The following ZNF469 variants were observed in gnomAD, a reference collection of about 807,000 sequenced individuals.
ZNF469 encodes the protein zinc finger protein 469.
Under a neutral mutation model 1.0 loss-of-function variants are expected in ZNF469, and 1 was observed. That is an observed-to-expected ratio of 1.00 (90% CI 0.35 to 4.73). ZNF469 has a LOEUF of 4.73. Among genes scored for constraint, ZNF469 ranks in the 30% most tolerant of loss-of-function variants. The pLI is 0.16. For synonymous variants in ZNF469, 2,703 were observed against 2,363.4 expected, an observed-to-expected ratio of 1.14 and a Z score of -4.17; for missense variants, 6,100 against 5,356.3, an observed-to-expected ratio of 1.14 and a Z score of -4.33.
At chr16:88,395,321 T>C (rs867719833) in intron 1 of ZNF469, among the ~76,000 whole-genome samples, 6 of 145,958 alleles carry the variant, frequency 4.1e-5, no homozygotes, top group Non-Finnish European at 7.5e-5. Flanking sequence ...GGTGGGTGGA[T>C]GGATTGATGG....
At chr16:88,360,699 C>G in the ZNF469 span, among the ~76,000 whole-genome samples, 1 of 141,670 alleles carries the variant, frequency 7.1e-6, no homozygotes, top group Non-Finnish European at 1.5e-5. Flanking sequence ...CGCGTGCTCC[C>G]TCAATGGCAG....
chr16:88,103,712 T>A, the ZNF469 span, among the ~76,000 whole-genome samples: 2 of 150,886 alleles, frequency 1.3e-5, no homozygotes, highest in Non-Finnish European at 3.0e-5. Context: ...AGCGCTGGAA[T>A]AATCCTCCAT....
chr16:88,439,258 G>A lies in ZNF469; in HGVS notation c.11788G>A (p.Asp3930Asn), dbSNP rs1377374641. The part of the protein sequence containing the change: ...HTHRTAEAQS[D>N]LLSQLFGQRL... ...CCACCGGACGGCCGAGGCCCAGAGT[G>A]ACCTCCTCAGCCAGCTCTTCGGGCA... is the stretch of plus-strand genomic sequence containing the variant. The change falls in exon 3 of 3, where the codon GAC becomes AAC. Residue 3930 changes from aspartate to asparagine, a missense_variant. Asp to Asn is a conservative substitution (Grantham distance 23, BLOSUM62 1). Transcript: ENST00000565624. 3 of 1,550,410 alleles carry A rather than the reference G, an allele frequency of 1.9e-6. No individual in the cohort carries two copies. The East Asian group carries it at 7.3e-5, about 38-fold the overall frequency.
chr16:88,396,971 C>CGGG lies in ZNF469; in HGVS notation c.-192+13717_-192+13718insGGG, dbSNP rs1285298741. ...GGAGGAGACCCTCATGAAGGGAGGC[C>CGGG]AGGAGGAGACCCTCCTGAAGGGAGG... On this transcript the variant is annotated intron_variant, in intron 1 of 2. Coordinates refer to ENST00000565624, the MANE Select transcript of ZNF469 (RefSeq NM_001367624.2). Among the ~76,000 whole-genome samples the CGGG allele has an allele frequency of 2.1e-3, 319 of 149,484 alleles. 5 individuals carry two copies. The highest frequency in any genetic ancestry group is 3.6e-3 in the Non-Finnish European group (244 of 67,038).
rs1906020303 is a variant in ZNF469, at chr16:88,429,990, G to C, written c.2520G>C (p.Leu840=). The C allele has an allele frequency of 9.7e-6, 15 of 1,550,252 alleles. No individual in the cohort carries two copies. Among genetic ancestry groups the C allele is most frequent in the Non-Finnish European group, 1.2e-5 (14 of 1,146,984 alleles). ...TGGACATGGAGGATGACGCCAAGCT[G>C]GACAGCCTCATCACAGAGGCGCTCA... The part of the protein sequence containing the change: ...SDLDMEDDAK[L]DSLITEALNG... The change falls in exon 3 of 3, where the codon CTG becomes CTC. Residue 840 remains leucine (L), a synonymous_variant. Coordinates refer to ENST00000565624, the MANE Select transcript of ZNF469 (RefSeq NM_001367624.2).
At chr16:88,177,591 G>A in the ZNF469 span, 1 of 152,254 alleles carries the variant, frequency 6.6e-6, no homozygotes, top group Non-Finnish European at 1.5e-5. The surrounding 1 kb of genome is among the most constrained non-coding windows in gnomAD (Gnocchi z 4.8). Context: ...AGCAGACCCT[G>A]CCTGTGGCTC....
chr16:88,415,370 C>G (rs907719414), intron 1 of ZNF469, among the ~76,000 whole-genome samples: 1 of 152,236 alleles, frequency 6.6e-6, no homozygotes, highest in African/African-American at 2.4e-5. Context: ...GCCCTTCCCC[C>G]AAGCCCCTCC....
rs943114751 is a variant in ZNF469, at chr16:88,432,759, C to T, written c.5289C>T (p.Asp1763=). 54 of 1,550,306 alleles carry T rather than the reference C, an allele frequency of 3.5e-5. No individual in the cohort carries two copies. Among genetic ancestry groups the T allele is most frequent in the Non-Finnish European group, 4.4e-5 (50 of 1,147,006 alleles). The stretch of plus-strand genomic sequence containing the variant: ...CCGCCAGCTCACAAGAAAGTGAAGA[C>T]TCCCTGCGGCTGCTTCCCTGTGAAC... ...KEAASSQESE[D]SLRLLPCEQR... is the part of the protein sequence containing the mutation. Residue 1763 remains aspartate (D), a synonymous_variant, in exon 3 of 3, where the codon GAC becomes GAT. Transcript: ENST00000565624.
chr16:88,199,893 G>A, the ZNF469 span, among the ~76,000 whole-genome samples: 6 of 152,336 alleles, frequency 3.9e-5, no homozygotes, highest in East Asian at 1.2e-3. Flanking sequence ...TGTCTTGGTG[G>A]AGACTCCAAA....
In ZNF469 at chr16:88,427,583, A is replaced by G; in HGVS notation, c.113A>G (p.Asn38Ser). 1 of 1,537,010 alleles carries G rather than the reference A, an allele frequency of 6.5e-7. No homozygotes were observed. The highest frequency in any genetic ancestry group is 8.7e-7 in the Non-Finnish European group (1 of 1,146,428). ...GHPSQPPLEDNTPATRTTKGA... is the reference protein window; with the variant it reads ...GHPSQPPLEDSTPATRTTKGA... ...CCCTCCCAGCCGCCACTGGAGGACA[A>G]CACCCCAGCTACCAGGACCACCAAG... The change falls in exon 3 of 3, where the codon AAC (asparagine) becomes AGC (serine). Residue 38 changes from asparagine to serine, a missense_variant. By Grantham distance (46) the Asn-to-Ser change is conservative (BLOSUM62 1). Coordinates refer to ENST00000565624, the MANE Select transcript of ZNF469 (RefSeq NM_001367624.2).
the ZNF469 span, among the ~76,000 whole-genome samples, chr16:88,111,039 G>A: frequency 2.0e-5 from 3 of 152,232 alleles, no homozygotes; most frequent in East Asian, 1.9e-4. Flanking sequence ...AGTCAGTGTC[G>A]AAGGCCCCTT....
At chr16:88,188,452 G>A in the ZNF469 span, among the ~76,000 whole-genome samples, 1 of 152,236 alleles carries the variant, frequency 6.6e-6, no homozygotes, top group Admixed American at 6.5e-5. Context: ...GACGGCATGG[G>A]CTGCTTAATG....
chr16:88,159,529 A>G, the ZNF469 span, among the ~76,000 whole-genome samples: 3 of 152,038 alleles, frequency 2.0e-5, no homozygotes, highest in Non-Finnish European at 2.9e-5. Context: ...ATGAGCGCAG[A>G]GTGTGGAGCG....
the ZNF469 span, among the ~76,000 whole-genome samples, chr16:88,329,373 G>A: frequency 3.9e-5 from 6 of 152,378 alleles, no homozygotes; most frequent in Admixed American, 1.3e-4. Flanking sequence ...TGTGTGAGAC[G>A]TGATTTAATT....
chr16:88,293,407 G>A, the ZNF469 span, among the ~76,000 whole-genome samples: 2 of 152,072 alleles, frequency 1.3e-5, no homozygotes, highest in East Asian at 1.9e-4. Context: ...ATAATTGACT[G>A]GGTGGATGGA....
chr16:88,166,062 G>A, the ZNF469 span, among the ~76,000 whole-genome samples: 2 of 152,266 alleles, frequency 1.3e-5, no homozygotes, highest in African/African-American at 2.4e-5. This position sits in a 1 kb window ranked among gnomAD's most constrained non-coding sequence, Gnocchi z 4.5. Flanking sequence ...CAGTGAGGAG[G>A]CCGACCCTTG....
the ZNF469 span, among the ~76,000 whole-genome samples, chr16:88,119,377 G>A: frequency 1.4e-4 from 21 of 152,344 alleles, no homozygotes; most frequent in Middle Eastern, 3.4e-3. Context: ...TGTGGTGCAC[G>A]TGCGGGGCCC....
At position 88,428,117 on chromosome 16, in the gene ZNF469, C is replaced by G. The variant is rs1905828231; in HGVS notation, c.647C>G (p.Thr216Ser). 1 of 1,549,546 alleles carries G rather than the reference C, an allele frequency of 6.5e-7. No homozygotes were observed. Among genetic ancestry groups the G allele is most frequent in the Non-Finnish European group, 8.7e-7 (1 of 1,146,430 alleles). ...CCGGGGCCCCCCCAGAGCAGGGGCA[C>G]CAGCCCCCTCCAGCCCGGTTCCTAT... ...PAPGPPQSRGTSPLQPGSYPE... is the reference protein window; with the variant it reads ...PAPGPPQSRGSSPLQPGSYPE... The change falls in exon 3 of 3, where the codon ACC becomes AGC. Residue 216 changes from threonine to serine, a missense_variant. Physicochemically the swap from Thr to Ser is moderately conservative, Grantham distance 58. Transcript: ENST00000565624.
the ZNF469 span, among the ~76,000 whole-genome samples, chr16:88,294,085 G>A: frequency 6.6e-6 from 1 of 152,198 alleles, no homozygotes; most frequent in Non-Finnish European, 1.5e-5. Context: ...GGCCTTTGTT[G>A]GATGTGAGGG....
Sources: gnomAD v4.1 joint callset for allele counts (sites outside exome capture counted in the v4.1 genomes callset) on GRCh38, gnomAD v4.1.1 for gene constraint, Gnocchi (gnomAD v3.1) non-coding constraint, MANE v1.5 for transcripts, NCBI Gene and HGNC (gene_info 2026-07-23, HGNC 2026-07-21) for gene names.